The following DCC variants were observed in gnomAD, a reference collection of about 807,000 sequenced individuals.
The protein encoded by DCC is DCC netrin 1 receptor, also known as netrin receptor DCC.
Under a neutral mutation model 172.5 loss-of-function variants are expected in DCC, and 58 were observed. That is an observed-to-expected ratio of 0.34 (90% CI 0.27 to 0.42). The LOEUF is 0.42. Ranked by LOEUF, DCC falls within the 10% of genes least tolerant of loss-of-function variation. The pLI, the probability that DCC is intolerant of heterozygous loss-of-function variation, is 1.00. For missense variants in DCC, 1,740 were observed against 1,791.0 expected (o/e 0.97, Z 0.51); for synonymous variants, 709 against 644.5 (o/e 1.10, Z -1.52).
intron 5 of DCC, among the ~76,000 whole-genome samples, chr18:52,947,040 T>G (rs143132167): frequency 6.6e-6 from 1 of 152,274 alleles, no homozygotes; most frequent in Admixed American, 6.5e-5. Flanking sequence ...CTTATCTCAA[T>G]ATCGATCCCA....
chr18:53,385,826 T>G (rs1216103879), intron 15 of DCC, among the ~76,000 whole-genome samples: 1 of 152,172 alleles, frequency 6.6e-6, no homozygotes, highest in Non-Finnish European at 1.5e-5. Flanking sequence ...GTTTTCTACC[T>G]AGTAGTTCAG....
chr18:53,467,871 T>C (rs2045640498), intron 24 of DCC, 23 bp from the exon 25 acceptor site: 2 of 1,187,052 alleles, frequency 1.7e-6, no homozygotes, highest in Admixed American at 1.7e-5. Context: ...AGGGCATGTT[T>C]CTCAGGAGTG....
chr18:52,749,641 G>A (rs2036964940), intron 1 of DCC, among the ~76,000 whole-genome samples: 1 of 151,950 alleles, frequency 6.6e-6, no homozygotes, highest in Admixed American at 6.6e-5. Context: ...GTTGATCTAT[G>A]TACTCACAGC....
chr18:53,391,039 G>T (rs1315156795), intron 16 of DCC, among the ~76,000 whole-genome samples: 1 of 152,080 alleles, frequency 6.6e-6, no homozygotes, highest in East Asian at 1.9e-4. Context: ...TGTGTACCTG[G>T]TCACTCTGGT....
intron 5 of DCC, among the ~76,000 whole-genome samples, chr18:53,036,934 A>C (rs1464082572): frequency 6.6e-6 from 1 of 152,004 alleles, no homozygotes; most frequent in East Asian, 1.9e-4. Context: ...TCTGAAGCTG[A>C]TATACATTTT....
At chr18:53,071,116 C>G (rs113920559) in intron 7 of DCC, among the ~76,000 whole-genome samples, 11 of 152,290 alleles carry the variant, frequency 7.2e-5, no homozygotes, top group Non-Finnish European at 1.2e-4. Context: ...ATCTGCTTCT[C>G]GCTGGAGTAC....
chr18:52,765,319 A>G (rs1314677091), intron 2 of DCC, among the ~76,000 whole-genome samples: 1 of 151,306 alleles, frequency 6.6e-6, no homozygotes, highest in Non-Finnish European at 1.5e-5. Flanking sequence ...TGCTAGGATT[A>G]CAGGCATAAG....
chr18:52,579,577 CT>C (rs2033496364), intron 1 of DCC, among the ~76,000 whole-genome samples: 1 of 152,092 alleles, frequency 6.6e-6, no homozygotes, highest in Admixed American at 6.5e-5. Context: ...CCTCACACCT[CT>C]GTTGGATTAG....
At chr18:52,700,142 T>C (rs929503084) in intron 1 of DCC, among the ~76,000 whole-genome samples, 2 of 151,666 alleles carry the variant, frequency 1.3e-5, no homozygotes, top group Non-Finnish European at 1.5e-5. Context: ...CTCGCTCTCT[T>C]GCCCCACACA....
At chr18:53,197,679 C>T (rs956558004) in intron 9 of DCC, among the ~76,000 whole-genome samples, 1 of 151,592 alleles carries the variant, frequency 6.6e-6, no homozygotes, top group Non-Finnish European at 1.5e-5. Context: ...TCTTTGAAAA[C>T]CTCATATTCA....
At chr18:52,439,047 C>A (rs954792234) in intron 1 of DCC, among the ~76,000 whole-genome samples, 21 of 152,004 alleles carry the variant, frequency 1.4e-4, no homozygotes, top group African/African-American at 4.4e-4. Flanking sequence ...GTTTTTTCTA[C>A]CAAGTGTGGG....
chr18:53,068,942 G>A (rs2042614178), intron 7 of DCC, among the ~76,000 whole-genome samples: 1 of 152,038 alleles, frequency 6.6e-6, no homozygotes, highest in African/African-American at 2.4e-5. Context: ...GACAAATCTA[G>A]TTTCTTAGAA....
At chr18:53,340,835 A>G (rs2057651551) in intron 15 of DCC, among the ~76,000 whole-genome samples, 1 of 152,130 alleles carries the variant, frequency 6.6e-6, no homozygotes. Context: ...GGCAGGGTGT[A>G]GGGGGTGGGG....
intron 26 of DCC, 79 bp downstream of exon 26, chr18:53,487,037 C>T: frequency 2.5e-6 from 4 of 1,572,204 alleles, no homozygotes; most frequent in Non-Finnish European, 3.5e-6. Flanking sequence ...TGCATTCTGA[C>T]CTTATCCCTT....
chr18:53,083,862 G>A (rs1476099874), intron 7 of DCC, among the ~76,000 whole-genome samples: 1 of 152,130 alleles, frequency 6.6e-6, no homozygotes, highest in African/African-American at 2.4e-5. Context: ...TTGTAGCAGA[G>A]ACATGTGAAT....
intron 2 of DCC, among the ~76,000 whole-genome samples, chr18:52,805,492 A>AG (rs2145235812): frequency 6.6e-6 from 1 of 152,320 alleles, no homozygotes; most frequent in Non-Finnish European, 1.5e-5. Flanking sequence ...GAAGGTAGGG[A>AG]GGAGAGAGAA....
At chr18:52,809,619 G>A (rs143878928) in intron 2 of DCC, among the ~76,000 whole-genome samples, 1,937 of 152,288 alleles carry the variant, frequency 0.013, 55 homozygotes, top group African/African-American at 0.044. Flanking sequence ...TGGATCTGGA[G>A]GGGTGGAAAT....
At chr18:52,453,469 T>C (rs1419824859) in intron 1 of DCC, among the ~76,000 whole-genome samples, 1 of 152,210 alleles carries the variant, frequency 6.6e-6, no homozygotes, top group Admixed American at 6.5e-5. Context: ...AGGCAAAGTC[T>C]GATCTTCATT....
intron 1 of DCC, among the ~76,000 whole-genome samples, chr18:52,404,672 T>A (rs536149121): frequency 2.2e-4 from 33 of 151,482 alleles, no homozygotes; most frequent in South Asian, 8.3e-4. Flanking sequence ...TTTTTTTTTT[T>A]AAATTATACT....
Sources: gnomAD v4.1 joint callset for allele counts (sites outside exome capture counted in the v4.1 genomes callset) on GRCh38, gnomAD v4.1.1 for gene constraint, MANE v1.5 for transcripts, NCBI Gene and HGNC (gene_info 2026-07-23, HGNC 2026-07-21) for gene names.